The following AQR variants were observed in gnomAD, a reference collection of about 807,000 sequenced individuals.
AQR encodes the protein aquarius intron-binding spliceosomal factor, also known as RNA helicase aquarius.
A neutral mutation model predicts 180.5 loss-of-function variants in AQR; 61 were observed. That is an observed-to-expected ratio of 0.34 (90% confidence interval 0.28 to 0.42). The LOEUF (loss-of-function observed/expected upper bound fraction) is 0.42. Among genes scored for constraint, AQR ranks in the 10% least tolerant of loss-of-function variants. The pLI is 1.00. For synonymous variants in AQR, 551 were observed against 588.8 expected (o/e 0.94, Z 0.93); for missense variants, 1,281 against 1,798.3 (o/e 0.71, Z 5.20).
chr15:34,857,651 T>A (rs1892606776), intron 34 of AQR, among the ~76,000 whole-genome samples: 1 of 152,160 alleles, frequency 6.6e-6, no homozygotes, highest in Non-Finnish European at 1.5e-5. Flanking sequence ...CTCAGGATGC[T>A]GAGGCAGGAG....
intron 5 of AQR, among the ~76,000 whole-genome samples, chr15:34,946,907 C>T (rs1252805173): frequency 2.0e-5 from 3 of 150,046 alleles, no homozygotes; most frequent in Admixed American, 6.6e-5. Flanking sequence ...GCCCCCCGTC[C>T]GGCCAGCCGC....
intron 1 of AQR, among the ~76,000 whole-genome samples, chr15:34,964,893 GA>G: frequency 6.6e-6 from 1 of 152,138 alleles, no homozygotes; most frequent in East Asian, 1.9e-4. Flanking sequence ...CATATTTAAA[GA>G]AACAGCATAG....
chr15:34,963,886 T>A (rs1443701736), intron 2 of AQR, among the ~76,000 whole-genome samples: 1 of 151,978 alleles, frequency 6.6e-6, no homozygotes, highest in East Asian at 1.9e-4. Flanking sequence ...ATGGTCTCGA[T>A]CTCCTGACCT....
intron 27 of AQR, among the ~76,000 whole-genome samples, chr15:34,879,907 G>T (rs926197388): frequency 6.6e-6 from 1 of 152,150 alleles, no homozygotes; most frequent in Non-Finnish European, 1.5e-5. Flanking sequence ...TGAATGTGGA[G>T]AAGTCTGGCT....
At position 34,900,868 on chromosome 15, in the gene AQR, C is replaced by G. The variant is rs548440565; in HGVS notation, c.2002-5G>C. ...CCGAATAGTCTCCAGCACAGCCTGT[C>G]AGTAAAAGGACAGAAAAAGATTGTG... On this transcript the variant is annotated splice_polypyrimidine_tract_variant and splice_region_variant and intron_variant, in intron 19 of 34. Coordinates refer to ENST00000156471, the MANE Select transcript of AQR (RefSeq NM_014691.3). 3 of 1,584,102 alleles carry G rather than the reference C, an allele frequency of 1.9e-6. No homozygotes were observed. In the East Asian group the frequency reaches 6.8e-5, roughly 36 times the overall value.
Position 34,923,529 on chromosome 15 carries a change from A to G in AQR, c.1119-3095T>C, listed in dbSNP as rs532810313. On this transcript the variant is annotated intron_variant, in intron 13 of 34. Transcript: ENST00000156471. Reference sequence around the variant, plus strand: ...GAAATCTTTGCACAAACCCACGATCACAAAAATTTTCTCCCATACTTCCTA... The same window carrying G: ...GAAATCTTTGCACAAACCCACGATCGCAAAAATTTTCTCCCATACTTCCTA... 4.6e-5 allele frequency among the ~76,000 whole-genome samples: 7 copies of G among 152,250 alleles called. No homozygotes were observed. The South Asian group carries it at 1.2e-3, about 27-fold the overall frequency.
At chr15:34,912,943 G>T (rs922955090) in intron 16 of AQR, among the ~76,000 whole-genome samples, 1 of 152,098 alleles carries the variant, frequency 6.6e-6, no homozygotes, top group East Asian at 1.9e-4. Flanking sequence ...TCAATGGCTT[G>T]GTTAGTATTG....
chr15:34,877,360 G>C (rs1480289762), intron 27 of AQR, among the ~76,000 whole-genome samples: 2 of 152,154 alleles, frequency 1.3e-5, no homozygotes, highest in Non-Finnish European at 2.9e-5. Flanking sequence ...TTTCCAGGGA[G>C]GTGGGAGATG....
chr15:34,910,834 T>G (rs927507139), intron 16 of AQR, among the ~76,000 whole-genome samples: 1 of 152,184 alleles, frequency 6.6e-6, no homozygotes, highest in Admixed American at 6.5e-5. Flanking sequence ...TCCTGTCAAG[T>G]TTCAAGTACA....
At chr15:34,949,972 TAAAA>T (rs374857238) in intron 4 of AQR, among the ~76,000 whole-genome samples, 29 of 131,448 alleles carry the variant, frequency 2.2e-4, no homozygotes, top group African/African-American at 7.3e-4. Context: ...TCTCCAAAAC[TAAAA>T]AAAAAAAAAA....
intron 31 of AQR, chr15:34,869,430 T>C (rs1272254360): frequency 6.6e-6 from 1 of 152,152 alleles, no homozygotes; most frequent in African/African-American, 2.4e-5. Context: ...TGTGTGGATA[T>C]TATACCTGGG....
chr15:34,874,617 A>G (rs1352224112), intron 29 of AQR, 60 bp downstream of exon 29: 2 of 1,587,688 alleles, frequency 1.3e-6, no homozygotes, highest in African/African-American at 2.7e-5. Context: ...ATTCACAAAT[A>G]CTTGGATCAT....
At chr15:34,893,190 C>T (rs996807014) in intron 23 of AQR, among the ~76,000 whole-genome samples, 49 of 152,184 alleles carry the variant, frequency 3.2e-4, no homozygotes, top group Non-Finnish European at 1.5e-4. Flanking sequence ...GCGTCAGTCA[C>T]GTTTGCCAAG....
chr15:34,874,228 T>C, intron 29 of AQR: 1 of 410,738 alleles, frequency 2.4e-6, no homozygotes, highest in Non-Finnish European at 4.2e-6. Context: ...TTACGCTCTC[T>C]GAGGTCAATG....
At chr15:34,918,137 C>A in intron 15 of AQR, 121 bp downstream of exon 15, 1 of 1,023,162 alleles carries the variant, frequency 9.8e-7, no homozygotes, top group Non-Finnish European at 1.4e-6. Context: ...AACTTCTGGG[C>A]ACCAGGAAAT....
Position 34,884,401 on chromosome 15 carries a change from G to A in AQR, c.3027+124C>T, listed in dbSNP as rs138548675. 1,140 of 867,508 alleles carry A rather than the reference G, an allele frequency of 1.3e-3. 14 individuals are homozygous for A. In the African/African-American group the frequency reaches 0.018, roughly 14 times the overall value. 53.7% of individuals were successfully genotyped at this position (867,508 alleles called of 1,614,324 possible). On this transcript the variant is annotated intron_variant, in intron 26 of 34. Transcript: ENST00000156471. ...AGCCTGGGCAACAGGGCAAGACTCC[G>A]TCTCAAAAAAAAACAAAAAAACAAA...
chr15:34,873,112 T>C (rs911225294), intron 30 of AQR, among the ~76,000 whole-genome samples: 2 of 152,152 alleles, frequency 1.3e-5, no homozygotes, highest in African/African-American at 4.8e-5. Context: ...ATGGAATATG[T>C]AATAATGCAA....
At chr15:34,960,077 C>T (rs1038871834) in intron 3 of AQR, among the ~76,000 whole-genome samples, 5 of 152,240 alleles carry the variant, frequency 3.3e-5, no homozygotes, top group African/African-American at 1.2e-4. Flanking sequence ...AGAACAAAAT[C>T]CTGAAGATGG....
At chr15:34,958,147 G>A (rs1192385114) in intron 3 of AQR, among the ~76,000 whole-genome samples, 2 of 152,190 alleles carry the variant, frequency 1.3e-5, no homozygotes, top group Non-Finnish European at 2.9e-5. Context: ...GGCAGAGCTT[G>A]CAGTGAGCCG....
Sources: allele counts gnomAD v4.1 joint callset (sites outside exome capture counted in the v4.1 genomes callset), GRCh38; gene constraint gnomAD v4.1.1; transcripts MANE v1.5; gene names NCBI Gene and HGNC (gene_info 2026-07-23, HGNC 2026-07-21).